Variants in EXD2 observed in about 807,000 individuals in gnomAD.
The protein encoded by EXD2 is exonuclease 3'-5' domain-containing protein 2.
Under a neutral mutation model 62.5 loss-of-function variants are expected in EXD2, and 40 were observed. That is an observed-to-expected ratio of 0.64 (90% CI 0.50 to 0.83). The LOEUF is 0.83. EXD2 is among the 40% of genes least tolerant of loss of function. The pLI, the probability that EXD2 is intolerant of heterozygous loss-of-function variation, is 0.00. For synonymous variants in EXD2, 239 were observed against 291.9 expected (o/e 0.82, Z 1.85); for missense variants, 671 against 761.8 (o/e 0.88, Z 1.40).
chr14:69,202,981 C>T (rs1346149908), intron 1 of EXD2, among the ~76,000 whole-genome samples: 1 of 152,188 alleles, frequency 6.6e-6, no homozygotes, highest in Non-Finnish European at 1.5e-5. Flanking sequence ...TCATTTCATA[C>T]AGCATTAATA....
chr14:69,200,070 C>T (rs914493467), intron 1 of EXD2, among the ~76,000 whole-genome samples: 16 of 152,136 alleles, frequency 1.1e-4, no homozygotes, highest in South Asian at 6.2e-4. Flanking sequence ...TATGATGTCA[C>T]TAGGCAATAG....
intron 3 of EXD2, among the ~76,000 whole-genome samples, chr14:69,221,491 G>C (rs927276227): frequency 6.6e-6 from 1 of 152,034 alleles, no homozygotes; most frequent in African/African-American, 2.4e-5. Context: ...TAAACCAAGT[G>C]TAGTGGCTCA....
Position 69,234,860 on chromosome 14 carries a change from G to A in EXD2, c.878G>A (p.Arg293Gln), listed in dbSNP as rs576613897. ...CAGGGTGTGGTCGACATCCCATTTC[G>A]AAGCAAAGGAATGAGCAGATTGGGA... ...KCQGVVDIPF[R>Q]SKGMSRLGEE... Residue 293 changes from arginine (R) to glutamine (Q), a missense_variant, in exon 6 of 10, where the codon CGA becomes CAA. By Grantham distance (43) the Arg-to-Gln change is conservative (BLOSUM62 1). Coordinates refer to ENST00000685843, the MANE Select transcript of EXD2 (RefSeq NM_001193360.2). The A allele has an allele frequency of 8.1e-6, 13 of 1,614,200 alleles. No homozygotes were observed. The highest frequency in any genetic ancestry group is 4.5e-5 in the East Asian group (2 of 44,884).
intron 1 of EXD2, among the ~76,000 whole-genome samples, chr14:69,202,588 A>G (rs2042445891): frequency 6.6e-6 from 1 of 152,134 alleles, no homozygotes; most frequent in Non-Finnish European, 1.5e-5. Flanking sequence ...TCTGACTTAT[A>G]TAATGTGTTG....
intron 3 of EXD2, among the ~76,000 whole-genome samples, chr14:69,212,190 G>A (rs1404069279): frequency 3.3e-5 from 5 of 152,114 alleles, no homozygotes; most frequent in African/African-American, 1.2e-4. Flanking sequence ...AGCCTGGCAA[G>A]CATGGTGAAA....
intron 3 of EXD2, among the ~76,000 whole-genome samples, chr14:69,212,459 C>G (rs568061754): frequency 6.6e-6 from 1 of 151,958 alleles, no homozygotes; most frequent in South Asian, 2.1e-4. Context: ...GTTTTGCTTT[C>G]CTTTTCATTC....
intron 9 of EXD2, among the ~76,000 whole-genome samples, chr14:69,240,548 C>G (rs952931631): frequency 9.9e-5 from 15 of 152,134 alleles, no homozygotes; most frequent in African/African-American, 3.6e-4. Flanking sequence ...GAACTGGTCA[C>G]TGGGTAATCC....
chr14:69,217,388 G>A (rs1055599227), intron 3 of EXD2, among the ~76,000 whole-genome samples: 1 of 152,062 alleles, frequency 6.6e-6, no homozygotes, highest in South Asian at 2.1e-4. Flanking sequence ...ATATGAGTGG[G>A]CTCATGCAGT....
chr14:69,204,508 C>T (rs1418431138), intron 2 of EXD2, among the ~76,000 whole-genome samples: 3 of 151,998 alleles, frequency 2.0e-5, no homozygotes, highest in South Asian at 2.1e-4. Flanking sequence ...TGCAGTGAGC[C>T]GTGATTGTGC....
chr14:69,236,215 G>T, intron 7 of EXD2, 63 bp downstream of exon 7: 1 of 1,529,800 alleles, frequency 6.5e-7, no homozygotes, highest in South Asian at 1.1e-5. Context: ...GCAGGAGTGG[G>T]GAGTGAGATA....
At chr14:69,234,555 A>G in intron 5 of EXD2, 145 bp from the exon 6 acceptor site, 1 of 630,084 alleles carries the variant, frequency 1.6e-6, no homozygotes, top group Non-Finnish European at 2.7e-6. Context: ...TATAATAAGA[A>G]GTTTTAAGGA....
intron 1 of EXD2, among the ~76,000 whole-genome samples, chr14:69,198,733 G>A (rs928733909): frequency 5.3e-5 from 8 of 152,196 alleles, no homozygotes; most frequent in Non-Finnish European, 1.2e-4. Flanking sequence ...TCTGTGAAAT[G>A]TGTCATTTTG....
intron 1 of EXD2, among the ~76,000 whole-genome samples, chr14:69,199,159 G>A (rs1031806347): frequency 2.6e-5 from 4 of 152,226 alleles, no homozygotes; most frequent in Non-Finnish European, 5.9e-5. Context: ...CAGGAGAATC[G>A]CTTGAACTTG....
intron 3 of EXD2, chr14:69,228,045 C>A (rs555791544): frequency 2.0e-5 from 3 of 151,946 alleles, no homozygotes; most frequent in Admixed American, 1.3e-4. Flanking sequence ...TATCTTCTAC[C>A]TCTTTTTAAA....
chr14:69,240,825 T>C (rs745584993), intron 9 of EXD2, 59 bp from the exon 10 acceptor site: 2 of 1,485,716 alleles, frequency 1.3e-6, no homozygotes, highest in Non-Finnish European at 1.9e-6. Context: ...TTTGAAGCTG[T>C]CTGTGAGGCC....
intron 3 of EXD2, among the ~76,000 whole-genome samples, chr14:69,212,867 C>T (rs1006286238): frequency 4.0e-5 from 6 of 151,430 alleles, no homozygotes; most frequent in African/African-American, 1.5e-4. Context: ...CGCCACCACA[C>T]CTGGCTAATT....
chr14:69,214,201 T>G (rs1162373797), intron 3 of EXD2: 1 of 152,184 alleles, frequency 6.6e-6, no homozygotes, highest in Non-Finnish European at 1.5e-5. Flanking sequence ...TTCATATCTC[T>G]TCTTAAGATC....
intron 5 of EXD2, among the ~76,000 whole-genome samples, chr14:69,231,990 C>A (rs2043601110): frequency 6.9e-6 from 1 of 145,894 alleles, no homozygotes; most frequent in African/African-American, 2.5e-5. Context: ...GATGAATCTT[C>A]TAGTATTCTA....
At chr14:69,223,940 G>T (rs1275268163) in intron 3 of EXD2, among the ~76,000 whole-genome samples, 1 of 152,172 alleles carries the variant, frequency 6.6e-6, no homozygotes, top group Non-Finnish European at 1.5e-5. Context: ...TCTGCTTCTG[G>T]TGAGGCCTCC....
Sources: allele counts gnomAD v4.1 joint callset (sites outside exome capture counted in the v4.1 genomes callset), GRCh38; gene constraint gnomAD v4.1.1; transcripts MANE v1.5; gene names NCBI Gene and HGNC (gene_info 2026-07-23, HGNC 2026-07-21).